The following ENAH variants were observed in gnomAD, a reference collection of about 807,000 sequenced individuals.
The protein encoded by ENAH is protein enabled homolog.
A neutral mutation model predicts 78.7 loss-of-function variants in ENAH; 23 were observed. The ratio of observed to expected loss-of-function variants is 0.29; its 90% CI spans 0.21 to 0.41. The LOEUF (loss-of-function observed/expected upper bound fraction) is 0.41, where lower values mean the gene tolerates loss of function less well. ENAH is among the 10% of genes least tolerant of loss of function. ENAH has a pLI of 1.00. For synonymous variants in ENAH, 226 were observed against 241.0 expected (o/e 0.94, Z 0.58); for missense variants, 544 against 691.0 (o/e 0.79, Z 2.39).
intron 4 of ENAH, among the ~76,000 whole-genome samples, chr1:225,521,054 G>A (rs1008231561): frequency 3.1e-4 from 47 of 150,800 alleles, no homozygotes; most frequent in Non-Finnish European, 3.3e-4. Context: ...ACACGCACGC[G>A]CGCGCACACA....
intron 10 of ENAH, among the ~76,000 whole-genome samples, chr1:225,510,948 G>A (rs1434411205): frequency 6.6e-6 from 1 of 151,974 alleles, no homozygotes. Context: ...TTGAGCCCAG[G>A]AGGTGGGGGT....
chr1:225,562,696 T>A (rs2096714355), intron 2 of ENAH, among the ~76,000 whole-genome samples: 1 of 151,466 alleles, frequency 6.6e-6, no homozygotes, highest in Admixed American at 6.6e-5. Context: ...ATTGTACATA[T>A]TCAATTTTGT....
At chr1:225,591,798 A>G (rs372710780) in intron 1 of ENAH, among the ~76,000 whole-genome samples, 115 of 151,240 alleles carry the variant, frequency 7.6e-4, no homozygotes, top group African/African-American at 2.7e-3. Flanking sequence ...AAAGGGCTTC[A>G]AAAGTCTTTC....
rs1303688065 is a variant in ENAH at position 225,494,821 on chromosome 1, A to T, written c.*2954T>A. 6.6e-6 allele frequency: 1 copy of T among 152,660 alleles called. No individual in the cohort carries two copies. Among genetic ancestry groups the T allele is most frequent in the Non-Finnish European group, 1.5e-5 (1 of 68,052 alleles). The allele number at this position is 152,660 out of a possible 1,614,324, so 9.5% of individuals were successfully genotyped here. On this transcript the variant is annotated 3_prime_UTR_variant, in exon 14 of 14. Transcript: ENST00000366843. ...TGTCACAAACAAGCAACATATATATACTGCAATTTTATTTCAATCGCACAA... is the reference window on the plus strand; with the variant it reads ...TGTCACAAACAAGCAACATATATATTCTGCAATTTTATTTCAATCGCACAA...
intron 10 of ENAH, among the ~76,000 whole-genome samples, chr1:225,510,146 C>T (rs760382103): frequency 1.3e-5 from 2 of 152,098 alleles, no homozygotes; most frequent in African/African-American, 4.8e-5. Flanking sequence ...AGTTTAAAAA[C>T]GGAATGAAAC....
chr1:225,646,863 A>G (rs2148491474), intron 1 of ENAH, among the ~76,000 whole-genome samples: 1 of 152,320 alleles, frequency 6.6e-6, no homozygotes. Context: ...TTGTTATGGC[A>G]GCCCACACTA....
chr1:225,504,153 C>G (rs920953630), intron 11 of ENAH, among the ~76,000 whole-genome samples: 1 of 151,858 alleles, frequency 6.6e-6, no homozygotes, highest in African/African-American at 2.4e-5. Flanking sequence ...ACTATAGGCA[C>G]AAGCCACCAG....
At chr1:225,515,965 C>A (rs978019641) in intron 6 of ENAH, among the ~76,000 whole-genome samples, 2 of 152,102 alleles carry the variant, frequency 1.3e-5, no homozygotes, top group African/African-American at 4.8e-5. Flanking sequence ...ATTTGTAAGT[C>A]AACAACAACA....
intron 1 of ENAH, among the ~76,000 whole-genome samples, chr1:225,567,644 C>T (rs866674530): frequency 8.6e-5 from 13 of 152,024 alleles, no homozygotes; most frequent in Admixed American, 2.0e-4. Context: ...GCAGGATCCA[C>T]GAAGAACACT....
chr1:225,601,391 G>A (rs900823339), intron 1 of ENAH, among the ~76,000 whole-genome samples: 8 of 151,974 alleles, frequency 5.3e-5, no homozygotes, highest in Admixed American at 5.2e-4. Context: ...GGTGGCGGAC[G>A]CATGTAGTCC....
rs149952717 is a variant in ENAH, at chr1:225,629,323, C to T, written c.5+23363G>A. On this transcript the variant is annotated intron_variant, in intron 1 of 13. Transcript: ENST00000366843. ...GGGAAAGGCTGGGCGCTGTGGCTCA[C>T]GCCTATAATCCCAGCACTTTGGGAG... Among the ~76,000 whole-genome samples the T allele has an allele frequency of 6.6e-3, 998 of 151,306 alleles. 7 individuals carry two copies. The highest frequency in any genetic ancestry group is 0.022 in the African/African-American group (926 of 41,226).
At chr1:225,576,579 A>G (rs2096789270) in intron 1 of ENAH, among the ~76,000 whole-genome samples, 1 of 152,206 alleles carries the variant, frequency 6.6e-6, no homozygotes, top group Admixed American at 6.5e-5. Flanking sequence ...ATGCTTTAGG[A>G]AGAAAAACAA....
chr1:225,609,838 T>C (rs756021680), intron 1 of ENAH, among the ~76,000 whole-genome samples: 2 of 151,924 alleles, frequency 1.3e-5, no homozygotes. Flanking sequence ...TAATTTTTTA[T>C]ATTTTTAGTA....
intron 1 of ENAH, among the ~76,000 whole-genome samples, chr1:225,623,641 A>C (rs1208470504): frequency 6.8e-6 from 1 of 148,140 alleles, no homozygotes; most frequent in Non-Finnish European, 1.5e-5. Flanking sequence ...GCTGGAGTGC[A>C]GTGGTGCAAT....
Position 225,652,747 on chromosome 1 carries a change from C to CG in ENAH, c.-58dup. 7.7e-7 allele frequency: 1 copy of CG among 1,298,380 alleles called. No homozygotes were observed. Among genetic ancestry groups the CG allele is most frequent in the Non-Finnish European group, 9.8e-7 (1 of 1,025,148 alleles). The allele number at this position is 1,298,380 out of a possible 1,614,324, so 80.4% of individuals were successfully genotyped here. ...CCGGGAGACGCAGAAGGCGCCGAGCCGAGGGGGGGGTCTCTCCTCCAGGGG... is the reference window on the plus strand; with the variant it reads ...CCGGGAGACGCAGAAGGCGCCGAGCCGGAGGGGGGGGTCTCTCCTCCAGGGG... On this transcript the variant is annotated 5_prime_UTR_variant, in exon 1 of 14. Coordinates refer to ENST00000366843, the MANE Select transcript of ENAH (RefSeq NM_018212.6).
chr1:225,546,616 T>C (rs1355697458), intron 3 of ENAH, among the ~76,000 whole-genome samples: 1 of 152,188 alleles, frequency 6.6e-6, no homozygotes. Flanking sequence ...CAGCCCTGGT[T>C]GAGAAAGGCT....
chr1:225,535,997 G>A (rs529427798), intron 3 of ENAH, among the ~76,000 whole-genome samples: 1 of 152,140 alleles, frequency 6.6e-6, no homozygotes, highest in Admixed American at 6.6e-5. Flanking sequence ...AAGCTTGGAA[G>A]TGCTTAAGAT....
At chr1:225,520,566 T>C (rs1158930421) in intron 4 of ENAH, among the ~76,000 whole-genome samples, 1 of 152,038 alleles carries the variant, frequency 6.6e-6, no homozygotes, top group Non-Finnish European at 1.5e-5. Flanking sequence ...ACTTAATATA[T>C]TGTGAAAGTT....
rs549192720 is a variant in ENAH at position 225,652,671 on chromosome 1, C to A, written c.5+15G>T. ...CACAATGGCCCGCCCGGCCCCCGCC[C>A]CGCGCGCCCCTCACCTCATGGTGCC... On this transcript the variant is annotated intron_variant, in intron 1 of 13. Transcript: ENST00000366843. 9 of 1,278,854 alleles carry A rather than the reference C, an allele frequency of 7.0e-6. No homozygotes were observed. In the African/African-American group the frequency reaches 1.4e-4, roughly 20 times the overall value. The allele number at this position is 1,278,854 out of a possible 1,614,324, so 79.2% of individuals were successfully genotyped here. A position where few individuals can be genotyped will look rare whatever the true frequency, so the allele number is the denominator to read the frequency against.
Sources: allele counts gnomAD v4.1 joint callset (sites outside exome capture counted in the v4.1 genomes callset), GRCh38; gene constraint gnomAD v4.1.1; transcripts MANE v1.5; gene names NCBI Gene and HGNC (gene_info 2026-07-23, HGNC 2026-07-21).